INTS8: variants seen among roughly 807,000 people sequenced by gnomAD.
INTS8 encodes integrator complex subunit 8.
A neutral mutation model predicts 138.9 loss-of-function variants in INTS8; 47 were observed. The observed-to-expected ratio is 0.34, with a 90% CI of 0.27 to 0.43. The LOEUF (loss-of-function observed/expected upper bound fraction) is 0.43, where lower values mean the gene tolerates loss of function less well. INTS8 is among the 20% of genes least tolerant of loss of function. The pLI is 1.00. For missense variants in INTS8, 996 were observed against 1,173.0 expected (o/e 0.85, Z 2.20); for synonymous variants, 392 against 400.9 (o/e 0.98, Z 0.27).
chr8:94,871,201 C>G (rs1306782961), intron 20 of INTS8, among the ~76,000 whole-genome samples: 2 of 151,816 alleles, frequency 1.3e-5, no homozygotes, highest in African/African-American at 4.8e-5. Flanking sequence ...GGTGTGGTGG[C>G]TCAGGACTGT....
chr8:94,832,167 A>G lies in INTS8; in HGVS notation c.746A>G (p.Gln249Arg), dbSNP rs1250599172. The G allele has an allele frequency of 6.2e-7, 1 of 1,611,386 alleles. No homozygotes were observed. The highest frequency in any genetic ancestry group is 8.5e-7 in the Non-Finnish European group (1 of 1,179,324). Reference sequence around the variant, plus strand: ...TTGAAAGTCAAAACCGAAGAAATGCAGTGCCAGGTATTCATTTGATACTTA... The same window carrying G: ...TTGAAAGTCAAAACCGAAGAAATGCGGTGCCAGGTATTCATTTGATACTTA... Reference protein sequence around the residue: ...AGLKVKTEEMQCQVCYDLGAA... With the variant: ...AGLKVKTEEMRCQVCYDLGAA... The change falls in exon 6 of 27, where the codon CAG (glutamine) becomes CGG (arginine). Residue 249 changes from glutamine (Q) to arginine (R), a missense_variant. Coordinates refer to ENST00000523731, the MANE Select transcript of INTS8 (RefSeq NM_017864.4).
intron 14 of INTS8, among the ~76,000 whole-genome samples, chr8:94,856,196 C>G (rs1042028552): frequency 7.2e-5 from 11 of 152,154 alleles, no homozygotes; most frequent in African/African-American, 2.7e-4. Context: ...GTAGATTGGA[C>G]AATTAAAAGA....
At chr8:94,841,443 CT>C in intron 8 of INTS8, 47 bp from the exon 9 acceptor site, 1 of 921,670 alleles carries the variant, frequency 1.1e-6, no homozygotes, top group Non-Finnish European at 1.7e-6. Context: ...AGTAAAAAAA[CT>C]TTACCATGAT....
Position 94,838,527 on chromosome 8 carries a change from G to A in INTS8, c.926G>A (p.Cys309Tyr). Residue 309 changes from cysteine to tyrosine, a missense_variant, in exon 8 of 27, where the codon TGT becomes TAT. By Grantham distance (194) the Cys-to-Tyr change is radical. Transcript: ENST00000523731. Reference protein sequence around the residue: ...EKRLAGYCQACDVLVPSSDST... With the variant: ...EKRLAGYCQAYDVLVPSSDST... Reference sequence around the variant, plus strand: ...CGGTTAGCTGGCTATTGTCAAGCATGTGATGTTCTTGTACCTTCTTCTGAT... The same window carrying A: ...CGGTTAGCTGGCTATTGTCAAGCATATGATGTTCTTGTACCTTCTTCTGAT... The A allele has an allele frequency of 1.2e-6, 2 of 1,613,048 alleles. No individual in the cohort carries two copies. The highest frequency in any genetic ancestry group is 1.7e-6 in the Non-Finnish European group (2 of 1,179,002).
intron 5 of INTS8, among the ~76,000 whole-genome samples, chr8:94,830,534 G>A (rs766667081): frequency 6.6e-6 from 1 of 152,158 alleles, no homozygotes; most frequent in Non-Finnish European, 1.5e-5. Flanking sequence ...GTCTGACTCT[G>A]TTGCCCAGGC....
At chr8:94,861,423 G>C (rs560974544) in intron 16 of INTS8, among the ~76,000 whole-genome samples, 2 of 151,452 alleles carry the variant, frequency 1.3e-5, no homozygotes, top group African/African-American at 2.4e-5. Context: ...TGCCATGCCC[G>C]GCTAATTTTT....
At chr8:94,862,706 C>T (rs1816036543) in intron 16 of INTS8, among the ~76,000 whole-genome samples, 1 of 152,044 alleles carries the variant, frequency 6.6e-6, no homozygotes, top group Non-Finnish European at 1.5e-5. Flanking sequence ...GTTTTGTGTG[C>T]CACCTTCCAT....
At chr8:94,870,970 T>C (rs1228711730) in intron 20 of INTS8, among the ~76,000 whole-genome samples, 2 of 152,084 alleles carry the variant, frequency 1.3e-5, no homozygotes, top group Non-Finnish European at 2.9e-5. Flanking sequence ...CAGTACTCTT[T>C]TCTTGATTCT....
intron 10 of INTS8, among the ~76,000 whole-genome samples, chr8:94,845,436 A>G (rs143220925): frequency 6.6e-6 from 1 of 152,152 alleles, no homozygotes; most frequent in East Asian, 1.9e-4. Flanking sequence ...ATGTCCTGAT[A>G]CCATCGAGAG....
intron 22 of INTS8, 70 bp downstream of exon 22, chr8:94,873,547 C>A: frequency 3.3e-6 from 3 of 909,456 alleles, no homozygotes; most frequent in South Asian, 1.4e-5. Flanking sequence ...CCCCTTTTGG[C>A]TGAACTTACC....
chr8:94,841,405 A>C (rs1189356112), intron 8 of INTS8, 86 bp from the exon 9 acceptor site: 3 of 577,162 alleles, frequency 5.2e-6, no homozygotes, highest in Non-Finnish European at 9.2e-6. Context: ...TTCAACTTGT[A>C]TTTTCCATTA....
chr8:94,866,416 C>G, intron 18 of INTS8: 1 of 504,192 alleles, frequency 2.0e-6, no homozygotes, highest in South Asian at 1.9e-5. Flanking sequence ...CCTCAGCTTT[C>G]TGAGGAACTG....
At chr8:94,823,902 T>C (rs1258019112) in intron 1 of INTS8, among the ~76,000 whole-genome samples, 1 of 152,220 alleles carries the variant, frequency 6.6e-6, no homozygotes, top group African/African-American at 2.4e-5. Flanking sequence ...ACCAGACGCC[T>C]CCTTCAACCC....
chr8:94,867,158 ATTATT>A lies in INTS8; in HGVS notation c.2319_2323del (p.Leu774ThrfsTer15). Reference sequence around the variant, plus strand: ...CTCATAGGAACCACTCGTTTTGACTATTATTTTATCACTCTTTGTGAAACTTCACA... The same window carrying A: ...CTCATAGGAACCACTCGTTTTGACTATTATCACTCTTTGTGAAACTTCACA... On this transcript the variant is annotated frameshift_variant, in exon 19 of 27. Transcript: ENST00000523731. LOFTEE classifies it high-confidence loss of function. The A allele has an allele frequency of 6.2e-7, 1 of 1,609,710 alleles. No individual in the cohort carries two copies. Among genetic ancestry groups the A allele is most frequent in the Non-Finnish European group, 8.5e-7 (1 of 1,177,290 alleles).
At chr8:94,861,896 C>G (rs1816002858) in intron 16 of INTS8, among the ~76,000 whole-genome samples, 1 of 151,570 alleles carries the variant, frequency 6.6e-6, no homozygotes, top group African/African-American at 2.4e-5. Context: ...AACTGCCATA[C>G]TTGAATTACC....
chr8:94,831,642 C>T (rs1050106273), intron 5 of INTS8, among the ~76,000 whole-genome samples: 2 of 151,840 alleles, frequency 1.3e-5, no homozygotes, highest in African/African-American at 2.4e-5. Context: ...CCCCCATGCC[C>T]GGCTAATTTT....
chr8:94,824,392 G>T (rs1448007441), intron 1 of INTS8, among the ~76,000 whole-genome samples: 2 of 152,076 alleles, frequency 1.3e-5, no homozygotes, highest in Non-Finnish European at 2.9e-5. Context: ...TGCTTTCCGG[G>T]TGCCATGCAC....
chr8:94,858,471 A>G (rs1446946850), intron 15 of INTS8, among the ~76,000 whole-genome samples: 1 of 152,206 alleles, frequency 6.6e-6, no homozygotes, highest in Non-Finnish European at 1.5e-5. Flanking sequence ...GCTGCTGTAT[A>G]CATATTTACT....
intron 7 of INTS8, among the ~76,000 whole-genome samples, chr8:94,837,635 C>G (rs140332291): frequency 6.6e-6 from 1 of 151,984 alleles, no homozygotes; most frequent in African/African-American, 2.4e-5. Flanking sequence ...TTTGCTCGCT[C>G]CTTTAAATCT....
Sources: gnomAD v4.1 joint callset for allele counts (sites outside exome capture counted in the v4.1 genomes callset) on GRCh38, gnomAD v4.1.1 for gene constraint, MANE v1.5 for transcripts, NCBI Gene and HGNC (gene_info 2026-07-23, HGNC 2026-07-21) for gene names.